The following CGGBP1 variants were observed in gnomAD, a reference collection of about 807,000 sequenced individuals.
CGGBP1 encodes the protein CGG triplet repeat binding protein 1, also known as CGG triplet repeat-binding protein 1.
In CGGBP1, 4 loss-of-function variants were observed where a neutral mutation model predicts 11.4. The observed-to-expected ratio is 0.35, with a 90% CI of 0.17 to 0.80. The LOEUF (loss-of-function observed/expected upper bound fraction) is 0.80. Among genes scored for constraint, CGGBP1 ranks in the 30% least tolerant of loss-of-function variants. The pLI is 0.52. For synonymous variants in CGGBP1, 76 were observed against 74.1 expected (o/e 1.03, Z -0.13); for missense variants, 135 against 202.1 (o/e 0.67, Z 2.01).
chr3:88,143,103 G>C (rs1243944435), intron 1 of CGGBP1: 1 of 152,244 alleles, frequency 6.6e-6, no homozygotes, highest in African/African-American at 2.4e-5. Flanking sequence ...GTTCAAGGCA[G>C]ATAATCTCAT....
intron 2 of CGGBP1, among the ~76,000 whole-genome samples, chr3:88,096,375 G>A (rs1422275407): frequency 6.6e-6 from 1 of 152,070 alleles, no homozygotes; most frequent in Non-Finnish European, 1.5e-5. Context: ...GTGTGAGAGG[G>A]TACCTCTGAA....
chr3:88,126,452 A>G (rs1361674885), intron 2 of CGGBP1, among the ~76,000 whole-genome samples: 1 of 152,056 alleles, frequency 6.6e-6, no homozygotes, highest in Non-Finnish European at 1.5e-5. Context: ...TGACACCTGG[A>G]TCGGTACATT....
chr3:88,059,474 G>C (rs780148593), upstream of CGGBP1: 41 of 1,516,824 alleles, frequency 2.7e-5, no homozygotes, highest in Admixed American at 1.1e-4. Flanking sequence ...GTCGGAATCA[G>C]CAGTCGGGAT....
chr3:88,055,403 G>T lies in CGGBP1; in HGVS notation c.*70C>A. On this transcript the variant is annotated 3_prime_UTR_variant, in exon 4 of 4. Transcript: ENST00000482016. The surrounding 1 kb of genome is among the most constrained non-coding windows in gnomAD (Gnocchi z 4.2). ...TTTTAAATGAAATAAATACAAAAAT[G>T]AACCACACAATCAACACATAACTTT... 1 of 1,326,554 alleles carries T rather than the reference G, an allele frequency of 7.5e-7. No individual in the cohort carries two copies. Among genetic ancestry groups the T allele is most frequent in the South Asian group, 1.8e-5 (1 of 56,138 alleles). 82.2% of individuals were successfully genotyped at this position (1,326,554 alleles called of 1,614,324 possible). A position where few individuals can be genotyped will look rare whatever the true frequency, so the allele number is the denominator to read the frequency against.
At chr3:88,063,886 G>A (rs2567037), upstream of CGGBP1, among the ~76,000 whole-genome samples, 143,330 of 152,126 alleles carry the variant, frequency 0.94, 67,999 homozygotes, top group Non-Finnish European at 1. Context: ...CAACTATCAC[G>A]TCTGACTTCC....
intron 2 of CGGBP1, among the ~76,000 whole-genome samples, chr3:88,105,256 A>T (rs1387830464): frequency 1.3e-5 from 2 of 148,896 alleles, no homozygotes; most frequent in Non-Finnish European, 3.0e-5. Flanking sequence ...CCTTTTTTAG[A>T]TAAACAGATA....
chr3:88,095,693 G>GTCT (rs1704018642), intron 2 of CGGBP1: 2 of 414,176 alleles, frequency 4.8e-6, no homozygotes, highest in Non-Finnish European at 9.2e-6. Context: ...AGCACAGTTT[G>GTCT]AGAAATTGGA....
intron 2 of CGGBP1, chr3:88,138,863 A>G (rs1014192028): frequency 1.6e-6 from 2 of 1,231,996 alleles, no homozygotes; most frequent in Non-Finnish European, 2.0e-6. Context: ...CACTCTCAAT[A>G]TTTTTTCTGG....
chr3:88,063,960 A>ATGACCCACT (rs1423439621), upstream of CGGBP1, among the ~76,000 whole-genome samples: 1 of 152,158 alleles, frequency 6.6e-6, no homozygotes, highest in Non-Finnish European at 1.5e-5. Context: ...ATCCTACTTA[A>ATGACCCACT]TGACCCACTT....
chr3:88,132,726 C>T (rs1706538896), intron 2 of CGGBP1, among the ~76,000 whole-genome samples: 1 of 152,150 alleles, frequency 6.6e-6, no homozygotes. Context: ...AGACACTTCA[C>T]CTAGGTGTTT....
At position 88,055,696 on chromosome 3, in the gene CGGBP1, C is replaced by CTGT; in HGVS notation, c.278_280dup (p.Asn93dup). 1 of 1,614,212 alleles carries CTGT rather than the reference C, an allele frequency of 6.2e-7. No individual in the cohort carries two copies. Among genetic ancestry groups the CTGT allele is most frequent in the Non-Finnish European group, 8.5e-7 (1 of 1,180,038 alleles). ...ACTGACTTTCTCTGTTTGCGCAGTACTGTTGCACTGAAGAGATGCAGTTAG... is the reference window on the plus strand; with the variant it reads ...ACTGACTTTCTCTGTTTGCGCAGTACTGTTGTTGCACTGAAGAGATGCAGTTAG... On this transcript the variant is annotated inframe_insertion, in exon 4 of 4. Transcript: ENST00000482016. The surrounding 1 kb of genome is among the most constrained non-coding windows in gnomAD (Gnocchi z 4.2).
chr3:88,072,564 T>A lies in CGGBP1; in HGVS notation c.-228-14341A>T, dbSNP rs531165760. Reference sequence around the variant, plus strand: ...AGAAACATGTTTCATTTGGATATTATATAGTTTGCTGTGGGATCCTCCACA... The same window carrying A: ...AGAAACATGTTTCATTTGGATATTAAATAGTTTGCTGTGGGATCCTCCACA... On this transcript the variant is annotated intron_variant, in intron 2 of 3. Transcript: ENST00000462901. 2.6e-5 allele frequency among the ~76,000 whole-genome samples: 4 copies of A among 152,320 alleles called. No individual in the cohort carries two copies. The South Asian group carries it at 8.3e-4, about 32-fold the overall frequency.
chr3:88,077,334 G>GT (rs1211322878), intron 2 of CGGBP1, among the ~76,000 whole-genome samples: 31 of 143,202 alleles, frequency 2.2e-4, no homozygotes, highest in African/African-American at 8.7e-4. Context: ...GACTTAAATT[G>GT]TTTTTTTTTT....
intron 2 of CGGBP1, among the ~76,000 whole-genome samples, chr3:88,127,559 A>T (rs927835808): frequency 6.6e-6 from 1 of 152,156 alleles, no homozygotes; most frequent in Admixed American, 6.6e-5. Flanking sequence ...AGAGGAAATT[A>T]TGAGGAGACT....
intron 2 of CGGBP1, among the ~76,000 whole-genome samples, chr3:88,108,727 A>G (rs901929261): frequency 3.9e-5 from 6 of 152,160 alleles, no homozygotes; most frequent in African/African-American, 1.4e-4. Context: ...TATTTTACTT[A>G]ATAATGGCCC....
At chr3:88,095,784 G>T in intron 2 of CGGBP1, 1 of 427,672 alleles carries the variant, frequency 2.3e-6, no homozygotes. Context: ...TGTAAACTAA[G>T]AAATGAGCTA....
intron 2 of CGGBP1, among the ~76,000 whole-genome samples, chr3:88,124,928 T>C (rs1378166598): frequency 2.0e-5 from 3 of 152,092 alleles, no homozygotes; most frequent in Non-Finnish European, 4.4e-5. Flanking sequence ...TAAAAAACAA[T>C]ACCTTGGCCA....
intron 2 of CGGBP1, among the ~76,000 whole-genome samples, chr3:88,112,049 A>AT (rs1705123597): frequency 6.6e-6 from 1 of 151,684 alleles, no homozygotes; most frequent in African/African-American, 2.4e-5. Flanking sequence ...ATCAAAGAAT[A>AT]TTTTTCAGTG....
chr3:88,122,468 G>A (rs1016208289), intron 2 of CGGBP1, among the ~76,000 whole-genome samples: 29 of 152,278 alleles, frequency 1.9e-4, no homozygotes, highest in Admixed American at 5.9e-4. Context: ...TCTCTAAAAT[G>A]GCAACCAGTT....
Sources: gnomAD v4.1 joint callset for allele counts (sites outside exome capture counted in the v4.1 genomes callset) on GRCh38, gnomAD v4.1.1 for gene constraint, Gnocchi (gnomAD v3.1) non-coding constraint, MANE v1.5 for transcripts, NCBI Gene and HGNC (gene_info 2026-07-23, HGNC 2026-07-21) for gene names.